The following GRIA2 variants were observed in gnomAD, a reference collection of about 807,000 sequenced individuals.
GRIA2 encodes glutamate ionotropic receptor AMPA type subunit 2, also known as glutamate receptor 2.
GRIA2 carries 14 observed loss-of-function variants against 97.3 expected under a neutral mutation model. That is an observed-to-expected ratio of 0.14 (90% CI 0.10 to 0.23). The LOEUF (loss-of-function observed/expected upper bound fraction) is 0.23, where lower values mean the gene tolerates loss of function less well. Among genes scored for constraint, GRIA2 ranks in the 10% least tolerant of loss-of-function variants. The pLI is 1.00. For synonymous variants in GRIA2, 412 were observed against 387.8 expected (o/e 1.06, Z -0.73); for missense variants, 558 against 1,069.8 (o/e 0.52, Z 6.67).
chr4:157,285,246 A>G (rs1024941291), intron 2 of GRIA2, among the ~76,000 whole-genome samples: 1 of 151,524 alleles, frequency 6.6e-6, no homozygotes, highest in Non-Finnish European at 1.5e-5. Context: ...TCTTAATTTT[A>G]TATTGGGTTG....
At chr4:157,245,503 T>A (rs1340338748) in intron 2 of GRIA2, among the ~76,000 whole-genome samples, 1 of 152,086 alleles carries the variant, frequency 6.6e-6, no homozygotes, top group East Asian at 1.9e-4. Context: ...GACCAGGTTT[T>A]TTTTTGGAAA....
chr4:157,337,307 T>C (rs575330724), intron 11 of GRIA2, among the ~76,000 whole-genome samples: 2 of 152,156 alleles, frequency 1.3e-5, no homozygotes, highest in South Asian at 4.2e-4. Context: ...AAGGGACTAA[T>C]CATTCATTAA....
intron 2 of GRIA2, among the ~76,000 whole-genome samples, chr4:157,246,415 A>G (rs1179060672): frequency 2.6e-5 from 4 of 152,178 alleles, no homozygotes; most frequent in Non-Finnish European, 5.9e-5. Context: ...TATGAACTAC[A>G]TGCAACTAAC....
Position 157,221,791 on chromosome 4 carries a change from C to T in GRIA2, c.213C>T (p.Phe71=), listed in dbSNP as rs746340381. ...ACAATTTGGAGGTGGCAAACAGCTT[C>T]GCAGTCACTAATGCTTGTAAGTAAT... ...HIDNLEVANS[F]AVTNAFCSQF... Residue 71 remains phenylalanine (F), a synonymous_variant, in exon 2 of 16, where the codon TTC becomes TTT. Coordinates refer to ENST00000264426, the MANE Select transcript of GRIA2 (RefSeq NM_001083619.3). 4 of 1,614,050 alleles carry T rather than the reference C, an allele frequency of 2.5e-6. No individual in the cohort carries two copies. The Admixed American group carries it at 6.7e-5, about 27-fold the overall frequency.
chr4:157,341,715 T>C (rs1735557902), intron 12 of GRIA2, among the ~76,000 whole-genome samples: 1 of 152,158 alleles, frequency 6.6e-6, no homozygotes, highest in Non-Finnish European at 1.5e-5. Context: ...AAATTGATTG[T>C]CCTTTTGGAA....
chr4:157,363,168 T>C, intron 15 of GRIA2, 121 bp downstream of exon 15: 2 of 1,087,684 alleles, frequency 1.8e-6, no homozygotes, highest in South Asian at 3.2e-5. Context: ...GTTGACGTTC[T>C]TCCATGTTCC....
chr4:157,321,656 C>A (rs917074389), intron 6 of GRIA2, 57 bp downstream of exon 6: 3 of 1,240,926 alleles, frequency 2.4e-6, no homozygotes, highest in Non-Finnish European at 3.4e-6. Context: ...AGAGAAGAGT[C>A]TTGGCAAATA....
intron 3 of GRIA2, among the ~76,000 whole-genome samples, chr4:157,309,690 G>A (rs1733993980): frequency 1.3e-5 from 2 of 152,190 alleles, no homozygotes; most frequent in South Asian, 2.1e-4. Flanking sequence ...TGAACTGCCG[G>A]AAATTTTAGA....
intron 2 of GRIA2, among the ~76,000 whole-genome samples, chr4:157,240,157 A>T (rs1730440586): frequency 6.6e-6 from 1 of 152,130 alleles, no homozygotes; most frequent in African/African-American, 2.4e-5. Flanking sequence ...ACGCACATAT[A>T]AGTGTGCATG....
intron 2 of GRIA2, among the ~76,000 whole-genome samples, chr4:157,223,703 GA>G (rs1311643680): frequency 6.6e-6 from 1 of 152,184 alleles, no homozygotes; most frequent in Non-Finnish European, 1.5e-5. Context: ...GTGGGTATAG[GA>G]AGGACATAGG....
At position 157,312,822 on chromosome 4, in the gene GRIA2, C is replaced by T. The variant is rs200369612; in HGVS notation, c.613C>T (p.Arg205Trp). Residue 205 changes from arginine to tryptophan, a missense_variant, in exon 4 of 16, where the codon CGG (arginine) becomes TGG (tryptophan). Around this residue, in one of 8 missense-constraint regions of GRIA2, gnomAD observed 173 missense variants for 209.1 expected, o/e 0.83. Coordinates refer to ENST00000264426, the MANE Select transcript of GRIA2 (RefSeq NM_001083619.3). ...LFQDLELKKE[R>W]RVILDCERDK... ...TCAAGATCTGGAGTTAAAAAAGGAA[C>T]GGCGTGTAATTCTGGACTGTGAAAG... 4.9e-5 allele frequency: 79 copies of T among 1,611,238 alleles called. No individual in the cohort carries two copies. The highest frequency in any genetic ancestry group is 2.3e-4 in the African/African-American group (17 of 74,864).
At chr4:157,277,846 G>GTATATATGTATATATATGTATATATGTA (rs1560743258) in intron 2 of GRIA2, among the ~76,000 whole-genome samples, 9 of 141,926 alleles carry the variant, frequency 6.3e-5, no homozygotes, top group African/African-American at 2.1e-4. Context: ...ATATATATAT[G>GTATATATGTATATATATGTATATATGTA]TATATATGTA....
At chr4:157,346,948 A>G (rs999290941) in intron 12 of GRIA2, among the ~76,000 whole-genome samples, 10 of 152,268 alleles carry the variant, frequency 6.6e-5, no homozygotes, top group African/African-American at 2.2e-4. Context: ...CACTGAATTG[A>G]AAAAGCATCC....
chr4:157,297,422 G>T (rs1464588618), intron 2 of GRIA2, among the ~76,000 whole-genome samples: 2 of 152,118 alleles, frequency 1.3e-5, no homozygotes, highest in Non-Finnish European at 2.9e-5. Context: ...AGAACATTAA[G>T]ATGTAGGAAA....
chr4:157,245,324 C>T (rs1408557858), intron 2 of GRIA2, among the ~76,000 whole-genome samples: 4 of 151,896 alleles, frequency 2.6e-5, no homozygotes, highest in African/African-American at 9.7e-5. Flanking sequence ...TGAACTCTAC[C>T]TTGCTTGTGG....
chr4:157,270,221 G>C (rs1204456083), intron 2 of GRIA2, among the ~76,000 whole-genome samples: 1 of 152,046 alleles, frequency 6.6e-6, no homozygotes, highest in African/African-American at 2.4e-5. Flanking sequence ...TTCTTCCACT[G>C]CCTTGTGCCT....
intron 2 of GRIA2, among the ~76,000 whole-genome samples, chr4:157,224,741 T>C (rs1473137802): frequency 6.6e-6 from 1 of 152,148 alleles, no homozygotes; most frequent in African/African-American, 2.4e-5. Context: ...CCAATGCCTA[T>C]CCTTTGTTTT....
At chr4:157,294,608 A>G (rs578176074) in intron 2 of GRIA2, among the ~76,000 whole-genome samples, 1 of 152,192 alleles carries the variant, frequency 6.6e-6, no homozygotes, top group Admixed American at 6.6e-5. Flanking sequence ...TGTATCTCAC[A>G]TACATTTTCC....
At chr4:157,243,934 A>G (rs1360840669) in intron 2 of GRIA2, among the ~76,000 whole-genome samples, 2 of 152,058 alleles carry the variant, frequency 1.3e-5, no homozygotes, top group Admixed American at 6.6e-5. Flanking sequence ...AAATAGAAAA[A>G]AAAGCAGAAA....
Sources: allele counts gnomAD v4.1 joint callset (sites outside exome capture counted in the v4.1 genomes callset), GRCh38; gene constraint gnomAD v4.1.1; regional missense constraint gnomAD v4.1.1; transcripts MANE v1.5; gene names NCBI Gene and HGNC (gene_info 2026-07-23, HGNC 2026-07-21).